The following PRKCB variants were observed in gnomAD, a reference collection of about 807,000 sequenced individuals.
PRKCB encodes the protein protein kinase C beta, also known as protein kinase C beta type.
Under a neutral mutation model 81.5 loss-of-function variants are expected in PRKCB, and 13 were observed. That is an observed-to-expected ratio of 0.16 (90% CI 0.10 to 0.25). PRKCB has a LOEUF of 0.25. Among genes scored for constraint, PRKCB ranks in the 10% least tolerant of loss-of-function variants. The pLI is 1.00. For missense variants in PRKCB, 509 were observed against 875.7 expected, an observed-to-expected ratio of 0.58 and a Z score of 5.29; for synonymous variants, 335 against 321.4, an observed-to-expected ratio of 1.04 and a Z score of -0.45.
chr16:24,218,115 C>A lies in PRKCB; in HGVS notation c.*3299C>A. 1 of 985,314 alleles carries A rather than the reference C, an allele frequency of 1.0e-6. No individual in the cohort carries two copies. Among genetic ancestry groups the A allele is most frequent in the African/African-American group, 1.7e-5 (1 of 57,312 alleles). The allele number at this position is 985,314 out of a possible 1,614,324, so 61.0% of individuals were successfully genotyped here. On this transcript the variant is annotated 3_prime_UTR_variant, in exon 17 of 17. Coordinates refer to ENST00000643927, the MANE Select transcript of PRKCB (RefSeq NM_002738.7). The stretch of plus-strand genomic sequence containing the variant: ...ACTAGTGAAGAAGCAGATGAGGACC[C>A]TGTTTATTGTTTCTCTCCAAGAAAT...
chr16:23,902,371 C>T (rs1963487272), intron 2 of PRKCB, among the ~76,000 whole-genome samples: 1 of 152,070 alleles, frequency 6.6e-6, no homozygotes, highest in Non-Finnish European at 1.5e-5. Context: ...CAAAGTTTCC[C>T]CCTAATGCTA....
At chr16:23,990,548 GTTTTTTTCTCT>G (rs2141823275) in intron 3 of PRKCB, among the ~76,000 whole-genome samples, 1 of 91,638 alleles carries the variant, frequency 1.1e-5, no homozygotes, top group South Asian at 2.9e-4. Context: ...TTTTATTTTT[GTTTTTTTCTCT>G]TTTGAGACAG....
At chr16:24,080,931 A>G (rs1966241007) in intron 5 of PRKCB, among the ~76,000 whole-genome samples, 1 of 152,168 alleles carries the variant, frequency 6.6e-6, no homozygotes, top group Non-Finnish European at 1.5e-5. Flanking sequence ...AGAAGGGAAC[A>G]TTTTTCAACC....
chr16:24,041,534 T>C (rs533918326), intron 5 of PRKCB, among the ~76,000 whole-genome samples: 1 of 152,186 alleles, frequency 6.6e-6, no homozygotes, highest in South Asian at 2.1e-4. Context: ...ACCTTTTTTT[T>C]TTTAAATGTT....
At chr16:24,094,118 A>T (rs1567371817) in intron 6 of PRKCB, 45 bp from the exon 7 acceptor site, 1 of 1,590,400 alleles carries the variant, frequency 6.3e-7, no homozygotes. Context: ...CTGCTTGAGA[A>T]ATTACTACAA....
At chr16:24,133,767 A>G (rs1966857099) in intron 9 of PRKCB, among the ~76,000 whole-genome samples, 1 of 152,182 alleles carries the variant, frequency 6.6e-6, no homozygotes, top group Non-Finnish European at 1.5e-5. Context: ...TAGAAATTGT[A>G]AGGCAGAGAG....
chr16:23,922,149 T>C lies in PRKCB; in HGVS notation c.206-66359T>C, dbSNP rs575458442. 2.6e-5 allele frequency among the ~76,000 whole-genome samples: 4 copies of C among 152,354 alleles called. No homozygotes were observed. The East Asian group carries it at 7.7e-4, about 29-fold the overall frequency. ...CTGATAAAAATGACGTCTTAATAGT[T>C]ATCTGTGGACAAATTTGTAAATGTA... On this transcript the variant is annotated intron_variant, in intron 2 of 16. Coordinates refer to ENST00000643927, the MANE Select transcript of PRKCB (RefSeq NM_002738.7).
intron 2 of PRKCB, among the ~76,000 whole-genome samples, chr16:23,966,774 T>A (rs1964492312): frequency 6.6e-6 from 1 of 152,158 alleles, no homozygotes; most frequent in African/African-American, 2.4e-5. Flanking sequence ...GCATCACATA[T>A]ACACTGGTGT....
chr16:24,144,298 CT>C (rs1412618522), intron 9 of PRKCB, among the ~76,000 whole-genome samples: 1 of 152,034 alleles, frequency 6.6e-6, no homozygotes, highest in Non-Finnish European at 1.5e-5. Flanking sequence ...TTACTATATT[CT>C]TTTTTTCTTT....
At chr16:24,009,969 C>T (rs2141836665) in intron 3 of PRKCB, among the ~76,000 whole-genome samples, 1 of 152,314 alleles carries the variant, frequency 6.6e-6, no homozygotes, top group South Asian at 2.1e-4. Context: ...TGCTACTGCA[C>T]TCCAGCCTGG....
intron 2 of PRKCB, among the ~76,000 whole-genome samples, chr16:23,861,616 C>T (rs535317665): frequency 6.6e-6 from 1 of 152,354 alleles, no homozygotes; most frequent in South Asian, 2.1e-4. Flanking sequence ...TGTCTCCCTT[C>T]TTGGTCCCAG....
chr16:24,081,954 A>G (rs1397943066), intron 5 of PRKCB, among the ~76,000 whole-genome samples: 1 of 152,196 alleles, frequency 6.6e-6, no homozygotes, highest in Non-Finnish European at 1.5e-5. Flanking sequence ...CACAGAAAAC[A>G]GTATTGTTTA....
At chr16:23,926,606 C>A (rs2334247) in intron 2 of PRKCB, among the ~76,000 whole-genome samples, 1 of 150,814 alleles carries the variant, frequency 6.6e-6, no homozygotes, top group East Asian at 1.9e-4. Flanking sequence ...CACACACATA[C>A]GTGTATATAT....
At chr16:24,142,106 T>G (rs1394281802) in intron 9 of PRKCB, among the ~76,000 whole-genome samples, 1 of 152,136 alleles carries the variant, frequency 6.6e-6, no homozygotes, top group Non-Finnish European at 1.5e-5. Flanking sequence ...ATTATTCCCC[T>G]TTTATGGATT....
At chr16:23,874,681 A>G (rs1367325602) in intron 2 of PRKCB, among the ~76,000 whole-genome samples, 1 of 151,904 alleles carries the variant, frequency 6.6e-6, no homozygotes, top group Non-Finnish European at 1.5e-5. Context: ...ACTAAAAACC[A>G]ACTTGCAGGC....
At chr16:24,189,567 G>T (rs564757662) in intron 15 of PRKCB, among the ~76,000 whole-genome samples, 5 of 151,416 alleles carry the variant, frequency 3.3e-5, no homozygotes, top group African/African-American at 1.2e-4. Context: ...GCGTGAACCC[G>T]GGAGGTGGAG....
chr16:23,952,586 G>A (rs1567324200), intron 2 of PRKCB, among the ~76,000 whole-genome samples: 1 of 152,176 alleles, frequency 6.6e-6, no homozygotes, highest in Non-Finnish European at 1.5e-5. Flanking sequence ...TGTGAGCGGA[G>A]CTTCCTGAAA....
chr16:23,856,532 T>TA (rs1029554423), intron 2 of PRKCB, among the ~76,000 whole-genome samples: 5 of 151,406 alleles, frequency 3.3e-5, no homozygotes, highest in African/African-American at 4.9e-5. Context: ...ACGAAACTTT[T>TA]TTTTTTTTTG....
chr16:23,902,688 C>T (rs553647349), intron 2 of PRKCB, among the ~76,000 whole-genome samples: 1 of 150,846 alleles, frequency 6.6e-6, no homozygotes, highest in Non-Finnish European at 1.5e-5. Flanking sequence ...GATGATAATG[C>T]GTTCAGGAAC....
Sources: allele counts gnomAD v4.1 joint callset (sites outside exome capture counted in the v4.1 genomes callset), GRCh38; gene constraint gnomAD v4.1.1; transcripts MANE v1.5; gene names NCBI Gene and HGNC (gene_info 2026-07-23, HGNC 2026-07-21).